STARD7: variants seen among roughly 807,000 people sequenced by gnomAD.
STARD7 encodes StAR related lipid transfer domain containing 7.
STARD7 carries 30 observed loss-of-function variants against 45.3 expected under a neutral mutation model. The ratio of observed to expected loss-of-function variants is 0.66; its 90% CI spans 0.50 to 0.90. The LOEUF is 0.90. Among genes scored for constraint, STARD7 ranks in the 40% least tolerant of loss-of-function variants. The pLI is 0.00. For synonymous variants in STARD7, 199 were observed against 183.0 expected (o/e 1.09, Z -0.70); for missense variants, 495 against 491.3 (o/e 1.01, Z -0.07).
chr2:96,192,789 A>G (rs964054754), intron 5 of STARD7, among the ~76,000 whole-genome samples: 5 of 152,214 alleles, frequency 3.3e-5, no homozygotes, highest in African/African-American at 9.7e-5. Context: ...AAATGAAGTG[A>G]GTTCCTTTGG....
At chr2:96,198,505 A>G (rs758082579) in intron 1 of STARD7, among the ~76,000 whole-genome samples, 3 of 152,148 alleles carry the variant, frequency 2.0e-5, no homozygotes, top group Non-Finnish European at 4.4e-5. Context: ...CACATCAGCA[A>G]TGTTTGAGGA....
chr2:96,197,074 A>C lies in STARD7; in HGVS notation c.291-1525T>G, dbSNP rs138071031. The stretch of plus-strand genomic sequence containing the variant: ...AGAGCGAAACTCCGTCTCAAAATAA[A>C]ATAAAATAAAATAAAATAAAATAAA... On this transcript the variant is annotated intron_variant, in intron 1 of 7. Transcript: ENST00000337288. Among the ~76,000 whole-genome samples the C allele has an allele frequency of 6.8e-3, 872 of 127,422 alleles. 9 individuals are homozygous for C. The highest frequency in any genetic ancestry group is 9.4e-3 in the South Asian group (36 of 3,830). The allele number at this position is 127,422 out of a possible 152,430, so 83.6% of individuals were successfully genotyped here.
In STARD7 at chr2:96,197,416, AAAAAT is replaced by A. The variant is rs557161451; in HGVS notation, c.291-1872_291-1868del. Among the ~76,000 whole-genome samples, 19 of 152,312 alleles carry A rather than the reference AAAAAT, an allele frequency of 1.2e-4. No individual in the cohort carries two copies. The South Asian group carries it at 3.5e-3, about 28-fold the overall frequency. Reference sequence around the variant, plus strand: ...TGAGACTCCATCTCTAAAATAAATAAAAAATAAAATAAAATAAAGTGTTTGTTATC... The same window carrying A: ...TGAGACTCCATCTCTAAAATAAATAAAAAATAAAATAAAGTGTTTGTTATC... On this transcript the variant is annotated intron_variant, in intron 1 of 7. Transcript: ENST00000337288.
At chr2:96,189,566 G>A (rs1388901737) in intron 6 of STARD7, among the ~76,000 whole-genome samples, 2 of 152,020 alleles carry the variant, frequency 1.3e-5, no homozygotes, top group African/African-American at 2.4e-5. Flanking sequence ...TTAGCTAGGC[G>A]TGGTGGTGCA....
intron 6 of STARD7, among the ~76,000 whole-genome samples, chr2:96,188,813 G>A (rs996446934): frequency 6.6e-6 from 1 of 151,884 alleles, no homozygotes; most frequent in Non-Finnish European, 1.5e-5. Context: ...AGAACTGCTT[G>A]AACCCGGGAG....
intron 1 of STARD7, among the ~76,000 whole-genome samples, chr2:96,197,065 T>TAAAA (rs1558735733): frequency 2.3e-5 from 1 of 44,378 alleles, no homozygotes; most frequent in Admixed American, 3.0e-4. Context: ...AAACTCCGTC[T>TAAAA]CAAAATAAAA....
chr2:96,198,509 T>C (rs1683258426), intron 1 of STARD7, among the ~76,000 whole-genome samples: 1 of 152,212 alleles, frequency 6.6e-6, no homozygotes, highest in Non-Finnish European at 1.5e-5. Context: ...TCAGCAATGT[T>C]TGAGGATTCT....
At position 96,190,385 on chromosome 2, in the gene STARD7, G is replaced by T. The variant is rs376567368; in HGVS notation, c.843+1984C>A. 9.3e-5 allele frequency among the ~76,000 whole-genome samples: 14 copies of T among 150,744 alleles called. No homozygotes were observed. In the East Asian group the frequency reaches 1.9e-3, roughly 21 times the overall value. On this transcript the variant is annotated intron_variant, in intron 6 of 7. Transcript: ENST00000337288. ...GAGTCTCACTGTGTCGCCCACGCTG[G>T]GGTGCAGCGGCACGATCTTGGCTCA...
intron 1 of STARD7, among the ~76,000 whole-genome samples, chr2:96,197,083 A>ATATAATATAATATAATAT (rs1424189805): frequency 7.2e-6 from 1 of 139,110 alleles, no homozygotes; most frequent in African/African-American, 2.6e-5. Flanking sequence ...AAATAAAATA[A>ATATAATATAATATAATAT]AATAAAATAA....
At position 96,196,113 on chromosome 2, in the gene STARD7, C is replaced by CAA. The variant is rs113641896; in HGVS notation, c.291-566_291-565dup. On this transcript the variant is annotated intron_variant, in intron 1 of 7. Transcript: ENST00000337288. The stretch of plus-strand genomic sequence containing the variant: ...GGGCGACAGAGTGAGACTCTTGTCT[C>CAA]AAAAAAAAAAAAAAAACAAAAAACA... Among the ~76,000 whole-genome samples, 167 of 83,350 alleles carry CAA rather than the reference C, an allele frequency of 2.0e-3. 4 individuals are homozygous for CAA. Among genetic ancestry groups the CAA allele is most frequent in the African/African-American group, 7.0e-3 (148 of 21,008 alleles). 54.7% of individuals were successfully genotyped at this position (83,350 alleles called of 152,430 possible). A position where few individuals can be genotyped will look rare whatever the true frequency, so the allele number is the denominator to read the frequency against.
intron 1 of STARD7, among the ~76,000 whole-genome samples, chr2:96,199,897 T>G (rs1683279327): frequency 6.6e-6 from 1 of 152,224 alleles, no homozygotes. Context: ...GTCAAATACT[T>G]TTTGTGTTTA....
At position 96,208,203 on chromosome 2, in the gene STARD7, C is replaced by A. The variant is rs1258211734; in HGVS notation, c.232G>T (p.Ala78Ser). Residue 78 changes from alanine to serine, a missense_variant, in exon 1 of 8, where the codon GCG becomes TCG. By Grantham distance (99) the Ala-to-Ser change is moderately conservative. Around this residue, in one of 2 missense-constraint regions of STARD7, gnomAD observed 282 missense variants for 220.1 expected, o/e 1.28. Coordinates refer to ENST00000337288, the MANE Select transcript of STARD7 (RefSeq NM_020151.4). ...TCCCAAACGAAGACGCCGGCTAACG[C>A]CGCCATCAAGGCAGAGGCATGGCCA... ...RPGHASALMA[A>S]LAGVFVWDEE... 6.2e-7 allele frequency: 1 copy of A among 1,608,438 alleles called. No individual in the cohort carries two copies. Among genetic ancestry groups the A allele is most frequent in the Non-Finnish European group, 8.5e-7 (1 of 1,177,936 alleles).
chr2:96,201,250 A>T (rs933713118), intron 1 of STARD7, among the ~76,000 whole-genome samples: 2 of 152,048 alleles, frequency 1.3e-5, no homozygotes, highest in Non-Finnish European at 2.9e-5. Flanking sequence ...TAAAATGAAA[A>T]TAGGCCTCAG....
At chr2:96,203,387 G>A (rs1057164389) in intron 1 of STARD7, among the ~76,000 whole-genome samples, 4 of 152,176 alleles carry the variant, frequency 2.6e-5, no homozygotes, top group Non-Finnish European at 4.4e-5. Flanking sequence ...TCTCCAAAAC[G>A]AAAATCATTT....
intron 3 of STARD7, among the ~76,000 whole-genome samples, chr2:96,194,266 T>C (rs1038414256): frequency 6.6e-6 from 1 of 151,580 alleles, no homozygotes; most frequent in Non-Finnish European, 1.5e-5. Flanking sequence ...GGTGGGAGGA[T>C]CACTTGAGTC....
At chr2:96,190,971 C>T (rs988948562) in intron 6 of STARD7, among the ~76,000 whole-genome samples, 3 of 152,098 alleles carry the variant, frequency 2.0e-5, no homozygotes, top group Admixed American at 6.6e-5. Flanking sequence ...TGAGACCAGC[C>T]TGCGCAGCAT....
chr2:96,188,618 T>G lies in STARD7; in HGVS notation c.844-1317A>C, dbSNP rs189386008. Among the ~76,000 whole-genome samples, 180 of 151,398 alleles carry G rather than the reference T, an allele frequency of 1.2e-3. 4 individuals carry two copies. The East Asian group carries it at 0.03, about 25-fold the overall frequency. ...AACACTTTGGGCTGGGTGTGGTGGC[T>G]CACGTCTGTAATCTCAGCACTTTGG... On this transcript the variant is annotated intron_variant, in intron 6 of 7. Coordinates refer to ENST00000337288, the MANE Select transcript of STARD7 (RefSeq NM_020151.4).
intron 1 of STARD7, among the ~76,000 whole-genome samples, chr2:96,197,896 T>C (rs957107561): frequency 3.3e-5 from 5 of 152,236 alleles, no homozygotes; most frequent in Non-Finnish European, 7.3e-5. Flanking sequence ...CTGTACTTTA[T>C]TCCTTTTTAT....
At chr2:96,202,039 G>A (rs1474073469) in intron 1 of STARD7, among the ~76,000 whole-genome samples, 3 of 152,050 alleles carry the variant, frequency 2.0e-5, no homozygotes, top group Non-Finnish European at 4.4e-5. Context: ...TTAAGCTTTG[G>A]ACTTGGATGA....
Sources: allele counts gnomAD v4.1 joint callset (sites outside exome capture counted in the v4.1 genomes callset), GRCh38; gene constraint gnomAD v4.1.1; regional missense constraint gnomAD v4.1.1; transcripts MANE v1.5; gene names NCBI Gene and HGNC (gene_info 2026-07-23, HGNC 2026-07-21).